Variants in LDHB observed in about 807,000 individuals in gnomAD.
LDHB encodes lactate dehydrogenase B.
A neutral mutation model predicts 33.4 loss-of-function variants in LDHB; 18 were observed. The ratio of observed to expected loss-of-function variants is 0.54; its 90% CI spans 0.37 to 0.80. The LOEUF (loss-of-function observed/expected upper bound fraction) is 0.80. LDHB is among the 30% of genes least tolerant of loss of function. The pLI, the probability that LDHB is intolerant of heterozygous loss-of-function variation, is 0.00. For synonymous variants in LDHB, 121 were observed against 140.6 expected (o/e 0.86, Z 0.98); for missense variants, 345 against 407.9 (o/e 0.85, Z 1.33).
At chr12:21,636,951 C>G in intron 7 of LDHB, 120 bp downstream of exon 7, 2 of 917,094 alleles carry the variant, frequency 2.2e-6, no homozygotes, top group Non-Finnish European at 3.5e-6. Context: ...TTACATAAAA[C>G]TTTGAGAGAC....
intron 2 of LDHB, among the ~76,000 whole-genome samples, chr12:21,648,494 A>C (rs1938592087): frequency 6.6e-6 from 1 of 151,630 alleles, no homozygotes; most frequent in Admixed American, 6.6e-5. Flanking sequence ...ACCTCTTCTA[A>C]GAATAGTAGT....
At chr12:21,642,695 C>A (rs759933) in intron 4 of LDHB, among the ~76,000 whole-genome samples, 1 of 152,188 alleles carries the variant, frequency 6.6e-6, no homozygotes, top group Non-Finnish European at 1.5e-5. Flanking sequence ...AAACCACAGA[C>A]ATAAAACTTT....
intron 5 of LDHB, among the ~76,000 whole-genome samples, chr12:21,641,674 C>CT (rs1021206061): frequency 1.9e-4 from 29 of 151,920 alleles, no homozygotes; most frequent in African/African-American, 7.0e-4. Context: ...AAAAGAAAAT[C>CT]TTTGTTTTGA....
In LDHB at chr12:21,635,729, T is replaced by C. The variant is rs764840629; in HGVS notation, c.838-20A>G. 7 of 1,611,402 alleles carry C rather than the reference T, an allele frequency of 4.3e-6. No homozygotes were observed. Among genetic ancestry groups the C allele is most frequent in the Non-Finnish European group, 5.9e-6 (7 of 1,178,030 alleles). The stretch of plus-strand genomic sequence containing the variant: ...CATCCCCTGCCAGAACAACAAAGCA[T>C]CGAGATTAAGACATGAAACTGTAAG... On this transcript the variant is annotated intron_variant, in intron 7 of 7. Transcript: ENST00000350669.
chr12:21,637,103 A>G lies in LDHB; in HGVS notation c.805T>C (p.Ser269Pro). The change falls in exon 7 of 8, where the codon TCC becomes CCC. Residue 269 changes from serine (S) to proline (P), a missense_variant. Transcript: ENST00000350669. ...DLIESMLKNL[S>P]RIHPVSTMVK... ...ATTGTTGACACGGGATGAATCCTGG[A>G]TAGATTTTTCAACATGGATTCAATA... The G allele has an allele frequency of 1.2e-6, 2 of 1,607,392 alleles. No individual in the cohort carries two copies. The highest frequency in any genetic ancestry group is 1.7e-6 in the Non-Finnish European group (2 of 1,174,756).
intron 3 of LDHB, among the ~76,000 whole-genome samples, chr12:21,645,856 G>A (rs1032239039): frequency 1.3e-5 from 2 of 152,038 alleles, no homozygotes; most frequent in Non-Finnish European, 2.9e-5. Context: ...CTTTGTCTCC[G>A]TGTCTCTTTT....
chr12:21,642,479 C>T (rs1208836644), intron 4 of LDHB, among the ~76,000 whole-genome samples: 3 of 151,904 alleles, frequency 2.0e-5, no homozygotes, highest in Non-Finnish European at 4.4e-5. Flanking sequence ...AAGTTTCCCC[C>T]AGTTGTAACA....
intron 5 of LDHB, among the ~76,000 whole-genome samples, chr12:21,641,561 C>T (rs1012305680): frequency 1.3e-5 from 2 of 152,106 alleles, no homozygotes; most frequent in Non-Finnish European, 2.9e-5. Flanking sequence ...CTTTAGAGGA[C>T]ACTATTGAGA....
At chr12:21,652,506 T>G (rs1287630461) in intron 2 of LDHB, among the ~76,000 whole-genome samples, 1 of 152,240 alleles carries the variant, frequency 6.6e-6, no homozygotes, top group Non-Finnish European at 1.5e-5. Context: ...TAGTTTTTGT[T>G]TTTATTGGCA....
At chr12:21,643,710 A>T in intron 4 of LDHB, 1 of 531,452 alleles carries the variant, frequency 1.9e-6, no homozygotes, top group Non-Finnish European at 3.3e-6. Context: ...GATGAAGCAA[A>T]AACATGAAAT....
In LDHB at chr12:21,637,307, C is replaced by T. The variant is rs752395012; in HGVS notation, c.714-113G>A. 12 of 779,214 alleles carry T rather than the reference C, an allele frequency of 1.5e-5. No homozygotes were observed. In the South Asian group the frequency reaches 1.8e-4, roughly 11 times the overall value. The allele number at this position is 779,214 out of a possible 1,614,324, so 48.3% of individuals were successfully genotyped here. Reference sequence around the variant, plus strand: ...CTATAATCTTGGGCAAATTATTTACCCTTTATTGCCTTAGTGTTCCCTTTT... The same window carrying T: ...CTATAATCTTGGGCAAATTATTTACTCTTTATTGCCTTAGTGTTCCCTTTT... On this transcript the variant is annotated intron_variant, in intron 6 of 7. Transcript: ENST00000350669.
chr12:21,644,133 G>A (rs752513649), intron 3 of LDHB, 25 bp from the exon 4 acceptor site: 5 of 1,546,288 alleles, frequency 3.2e-6, no homozygotes, highest in Non-Finnish European at 4.5e-6. Context: ...GCAAAAACAG[G>A]TACTTTAAAT....
At chr12:21,638,540 T>G in intron 5 of LDHB, 70 bp from the exon 6 acceptor site, 1 of 1,084,788 alleles carries the variant, frequency 9.2e-7, no homozygotes, top group Non-Finnish European at 1.4e-6. Context: ...TTTCTTCTTT[T>G]AGTGCAATTT....
chr12:21,639,659 G>A (rs1274906766), intron 5 of LDHB, among the ~76,000 whole-genome samples: 1 of 151,954 alleles, frequency 6.6e-6, no homozygotes, highest in African/African-American at 2.4e-5. Context: ...TTATTTTATA[G>A]ATGAGGAAAC....
At chr12:21,639,694 C>G (rs893562279) in intron 5 of LDHB, among the ~76,000 whole-genome samples, 1 of 151,952 alleles carries the variant, frequency 6.6e-6, no homozygotes, top group South Asian at 2.1e-4. Context: ...TAAGAACTTG[C>G]TAGTCACATT....
At chr12:21,636,955 G>A in intron 7 of LDHB, 116 bp downstream of exon 7, 2 of 934,942 alleles carry the variant, frequency 2.1e-6, no homozygotes, top group Non-Finnish European at 3.4e-6. Flanking sequence ...ATAAAACTTT[G>A]AGAGACAGAA....
chr12:21,650,462 CTG>C (rs1338203895), intron 2 of LDHB, among the ~76,000 whole-genome samples: 1 of 152,154 alleles, frequency 6.6e-6, no homozygotes, highest in African/African-American at 2.4e-5. Flanking sequence ...TTGTTATATA[CTG>C]TGTTTGTCCA....
intron 2 of LDHB, 139 bp from the exon 3 acceptor site, chr12:21,647,155 T>C (rs554453155): frequency 3.1e-6 from 2 of 645,026 alleles, no homozygotes; most frequent in African/African-American, 1.8e-5. Context: ...TGGAGTTAGA[T>C]ACTCAATGAG....
intron 4 of LDHB, chr12:21,643,473 A>C (rs540661934): frequency 6.3e-6 from 1 of 159,412 alleles, no homozygotes; most frequent in South Asian, 1.8e-4. Flanking sequence ...CCATCAATTC[A>C]GTCTATTTCT....
Sources: allele counts gnomAD v4.1 joint callset (sites outside exome capture counted in the v4.1 genomes callset), GRCh38; gene constraint gnomAD v4.1.1; transcripts MANE v1.5; gene names NCBI Gene and HGNC (gene_info 2026-07-23, HGNC 2026-07-21).